Variants in VWA5B2 observed in about 807,000 individuals in gnomAD.
The protein encoded by VWA5B2 is von Willebrand factor A domain containing 5B2.
Under a neutral mutation model 118.5 loss-of-function variants are expected in VWA5B2, and 93 were observed. The observed-to-expected ratio is 0.79, with a 90% CI of 0.66 to 0.93. The LOEUF (loss-of-function observed/expected upper bound fraction) is 0.93, where lower values mean the gene tolerates loss of function less well. VWA5B2 is among the 40% of genes least tolerant of loss of function. The pLI, the probability that VWA5B2 is intolerant of heterozygous loss-of-function variation, is 0.00. For missense variants in VWA5B2, 1,546 were observed against 1,672.8 expected, an observed-to-expected ratio of 0.92 and a Z score of 1.32; for synonymous variants, 708 against 716.3, an observed-to-expected ratio of 0.99 and a Z score of 0.19.
chr3:184,231,071 A>G (rs1362617458), intron 3 of VWA5B2, among the ~76,000 whole-genome samples, 154 bp downstream of exon 3: 3 of 152,196 alleles, frequency 2.0e-5, no homozygotes, highest in African/African-American at 2.4e-5. Context: ...TGGGCTGGGC[A>G]CCTGACCTGC....
Position 184,242,210 on chromosome 3 carries a change from C to A in VWA5B2, c.*172C>A. 1.2e-6 allele frequency: 1 copy of A among 832,774 alleles called. No individual in the cohort carries two copies. Among genetic ancestry groups the A allele is most frequent in the Non-Finnish European group, 1.9e-6 (1 of 534,114 alleles). 51.6% of individuals were successfully genotyped at this position (832,774 alleles called of 1,614,324 possible). ...CCCCCACAAAAAGTGCCTGCCTGTG[C>A]TCTCTCCCTCTCCTCCCACCCCACT... On this transcript the variant is annotated 3_prime_UTR_variant, in exon 20 of 20. Coordinates refer to ENST00000691901, the MANE Select transcript of VWA5B2 (RefSeq NM_001390846.1).
intron 7 of VWA5B2, 49 bp downstream of exon 7, chr3:184,234,804 G>A: frequency 6.5e-7 from 1 of 1,549,278 alleles, no homozygotes; most frequent in Non-Finnish European, 8.7e-7. Flanking sequence ...CTGCATTTGT[G>A]CACAAGGAGC....
In VWA5B2 at chr3:184,235,339, G is replaced by GA. The variant is rs1195203911; in HGVS notation, c.1101+31_1101+32insA. ...TGGGGGTGTGGTGTGGGCAGGCCTG[G>GA]GGGTTGGGTGGGGCAGTGGGTCTGA... On this transcript the variant is annotated intron_variant, in intron 8 of 19. Coordinates refer to ENST00000691901, the MANE Select transcript of VWA5B2 (RefSeq NM_001390846.1). 11 of 1,544,564 alleles carry GA rather than the reference G, an allele frequency of 7.1e-6. No individual in the cohort carries two copies. The East Asian group carries it at 2.5e-4, about 34-fold the overall frequency.
In VWA5B2 at chr3:184,238,159, T is replaced by C. The variant is rs934290946; in HGVS notation, c.1720-144T>C. 3 of 720,696 alleles carry C rather than the reference T, an allele frequency of 4.2e-6. No homozygotes were observed. Among genetic ancestry groups the C allele is most frequent in the East Asian group, 2.9e-5 (1 of 34,484 alleles). 44.6% of individuals were successfully genotyped at this position (720,696 alleles called of 1,614,324 possible). On this transcript the variant is annotated intron_variant, in intron 12 of 19. Transcript: ENST00000691901. This position sits in a 1 kb window ranked among gnomAD's most constrained non-coding sequence, Gnocchi z 5.0. Reference sequence around the variant, plus strand: ...GCTCTATTAACCCTTACAGTGAACATGTCTGCTTCCTCCTTCTTTAGTACT... The same window carrying C: ...GCTCTATTAACCCTTACAGTGAACACGTCTGCTTCCTCCTTCTTTAGTACT...
chr3:184,240,048 A>G lies in VWA5B2; in HGVS notation c.2740+12A>G, dbSNP rs1718416464. The G allele has an allele frequency of 6.6e-7, 1 of 1,522,306 alleles. No homozygotes were observed. Among genetic ancestry groups the G allele is most frequent in the Non-Finnish European group, 8.8e-7 (1 of 1,133,672 alleles). 94.3% of individuals were successfully genotyped at this position (1,522,306 alleles called of 1,614,324 possible). On this transcript the variant is annotated intron_variant, in intron 16 of 19. Coordinates refer to ENST00000691901, the MANE Select transcript of VWA5B2 (RefSeq NM_001390846.1). Reference sequence around the variant, plus strand: ...CACAGCTGACCGGGGTGAGTTGCTCATGGGTCCAGTCAGGACCCAAAGGCA... The same window carrying G: ...CACAGCTGACCGGGGTGAGTTGCTCGTGGGTCCAGTCAGGACCCAAAGGCA...
chr3:184,232,208 G>A (rs990698623), intron 3 of VWA5B2, among the ~76,000 whole-genome samples: 2 of 152,086 alleles, frequency 1.3e-5, no homozygotes, highest in Non-Finnish European at 2.9e-5. Flanking sequence ...TGACTTATAT[G>A]TTGGGTGCTT....
At position 184,241,389 on chromosome 3, in the gene VWA5B2, T is replaced by C; in HGVS notation, c.3165T>C (p.His1055=). The C allele has an allele frequency of 1.3e-6, 2 of 1,579,360 alleles. No homozygotes were observed. Among genetic ancestry groups the C allele is most frequent in the African/African-American group, 2.7e-5 (2 of 74,292 alleles). ...GQANNSEGSD[H]DYLPLVRLQE... Reference sequence around the variant, plus strand: ...CCAACAACAGTGAAGGCAGCGACCATGACTACCTGCCCTTGGTGAGGACTC... The same window carrying C: ...CCAACAACAGTGAAGGCAGCGACCACGACTACCTGCCCTTGGTGAGGACTC... The change falls in exon 19 of 20, where the codon CAT becomes CAC. Residue 1055 remains histidine, a synonymous_variant. Coordinates refer to ENST00000691901, the MANE Select transcript of VWA5B2 (RefSeq NM_001390846.1). This position sits in a 1 kb window ranked among gnomAD's most constrained non-coding sequence, Gnocchi z 5.1.
Position 184,235,171 on chromosome 3 carries a change from C to G in VWA5B2, c.964C>G (p.Arg322Gly). ...CGCTCAGGTGTGGTTCCTGCAGCGA[C>G]GCTTCCACAAGGACATCCTGCTGAA... is the stretch of plus-strand genomic sequence containing the variant. ...GDRQVWFLQR[R>G]FHKDILLNPV... is the part of the protein sequence containing the mutation. The change falls in exon 8 of 20, where the codon CGC (arginine) becomes GGC (glycine). Residue 322 changes from arginine to glycine, a missense_variant. Arg to Gly is a moderately radical substitution (Grantham distance 125, BLOSUM62 -2). Around this residue, in one of 3 missense-constraint regions of VWA5B2, gnomAD observed 775 missense variants for 882.3 expected, o/e 0.88. Coordinates refer to ENST00000691901, the MANE Select transcript of VWA5B2 (RefSeq NM_001390846.1). 6.4e-7 allele frequency: 1 copy of G among 1,551,608 alleles called. No individual in the cohort carries two copies. Among genetic ancestry groups the G allele is most frequent in the Non-Finnish European group, 8.7e-7 (1 of 1,146,938 alleles).
chr3:184,234,963 T>C, intron 7 of VWA5B2, 190 bp from the exon 8 acceptor site: 2 of 1,063,268 alleles, frequency 1.9e-6, no homozygotes, highest in Non-Finnish European at 2.7e-6. Context: ...TCTCAGAGGA[T>C]GGAGGCTAGG....
rs1717264788 is a variant in VWA5B2, at chr3:184,230,472, C to G, written c.-57C>G. On this transcript the variant is annotated 5_prime_UTR_variant, in exon 2 of 20. Coordinates refer to ENST00000691901, the MANE Select transcript of VWA5B2 (RefSeq NM_001390846.1). ...CCTCTGGAGCGCGGGGTGGGCGTCC[C>G]GTCACCCTGCGCCCAGCTTCCCCGG... The G allele has an allele frequency of 4.3e-6, 6 of 1,385,826 alleles. No homozygotes were observed. Among genetic ancestry groups the G allele is most frequent in the Non-Finnish European group, 5.6e-6 (6 of 1,080,064 alleles). The allele number at this position is 1,385,826 out of a possible 1,614,324, so 85.8% of individuals were successfully genotyped here. A position where few individuals can be genotyped will look rare whatever the true frequency, so the allele number is the denominator to read the frequency against.
At position 184,239,552 on chromosome 3, in the gene VWA5B2, C is replaced by T. The variant is rs1718347343; in HGVS notation, c.2361C>T (p.Gly787=). ...AILDGPSPEP[G]QQLGQGLDDS... ...TAGATGGCCCAAGTCCTGAGCCAGGCCAACAGTTGGGACAAGGCCTGGATG... is the reference window on the plus strand; with the variant it reads ...TAGATGGCCCAAGTCCTGAGCCAGGTCAACAGTTGGGACAAGGCCTGGATG... Residue 787 remains glycine, a synonymous_variant, in exon 15 of 20, where the codon GGC becomes GGT. Transcript: ENST00000691901. The surrounding 1 kb of genome is among the most constrained non-coding windows in gnomAD (Gnocchi z 5.1). 1.3e-6 allele frequency: 2 copies of T among 1,536,226 alleles called. No homozygotes were observed. The highest frequency in any genetic ancestry group is 2.0e-5 in the Admixed American group (1 of 49,856).
Position 184,233,376 on chromosome 3 carries a change from C to G in VWA5B2, c.509C>G (p.Pro170Arg). The change falls in exon 4 of 20, where the codon CCT (proline) becomes CGT (arginine). Residue 170 changes from proline to arginine, a missense_variant. Pro to Arg is a moderately radical substitution (Grantham distance 103). Around this residue, in one of 3 missense-constraint regions of VWA5B2, gnomAD observed 775 missense variants for 882.3 expected, o/e 0.88. Coordinates refer to ENST00000691901, the MANE Select transcript of VWA5B2 (RefSeq NM_001390846.1). This position sits in a 1 kb window ranked among gnomAD's most constrained non-coding sequence, Gnocchi z 5.2. The stretch of plus-strand genomic sequence containing the variant: ...CCAGGCCCGCCGGGGCCCCCCAGGC[C>G]TCCGGGGCTCTGTGACGACAGGTTG... ...APPGPPGPPR[P>R]PGLCDDSPTS... The G allele has an allele frequency of 6.5e-7, 1 of 1,538,098 alleles. No individual in the cohort carries two copies. Among genetic ancestry groups the G allele is most frequent in the Non-Finnish European group, 8.8e-7 (1 of 1,142,076 alleles).
Position 184,233,624 on chromosome 3 carries a change from C to T in VWA5B2, c.579C>T (p.Ala193=). The T allele has an allele frequency of 1.9e-6, 3 of 1,551,230 alleles. No homozygotes were observed. Among genetic ancestry groups the T allele is most frequent in the Non-Finnish European group, 2.6e-6 (3 of 1,146,930 alleles). The change falls in exon 5 of 20, where the codon GCC becomes GCT. Residue 193 remains alanine, a synonymous_variant. Transcript: ENST00000691901. This position sits in a 1 kb window ranked among gnomAD's most constrained non-coding sequence, Gnocchi z 5.2. ...GCAGCCTTCAGGAGGAAGGGCTGGC[C>T]TGGGAGGAGCTGGCTGCCCCTCGGG... is the stretch of plus-strand genomic sequence containing the variant. ...GVGSLQEEGL[A]WEELAAPRDV...
Position 184,233,776 on chromosome 3 carries a change from T to C in VWA5B2, c.688+43T>C, listed in dbSNP as rs1269908033. The C allele has an allele frequency of 6.5e-7, 1 of 1,544,246 alleles. No individual in the cohort carries two copies. The highest frequency in any genetic ancestry group is 8.7e-7 in the Non-Finnish European group (1 of 1,144,434). The stretch of plus-strand genomic sequence containing the variant: ...GCCTGCCCTCTTTTCAGATGCCCAC[T>C]CCACCCAGTGTAGTGACTGGAAGGG... On this transcript the variant is annotated intron_variant, in intron 5 of 19. Transcript: ENST00000691901. This position sits in a 1 kb window ranked among gnomAD's most constrained non-coding sequence, Gnocchi z 5.2.
chr3:184,234,218 G>T, intron 5 of VWA5B2, 48 bp from the exon 6 acceptor site: 1 of 1,542,160 alleles, frequency 6.5e-7, no homozygotes. Context: ...GCTGTCCCTG[G>T]GAAGGTGTTA....
rs753246079 is a variant in VWA5B2 at position 184,241,679 on chromosome 3, G to A, written c.3370G>A (p.Ala1124Thr). The A allele has an allele frequency of 1.5e-5, 23 of 1,522,792 alleles. 1 individual carries two copies. The highest frequency in any genetic ancestry group is 2.0e-5 in the Non-Finnish European group (23 of 1,136,894). The allele number at this position is 1,522,792 out of a possible 1,614,324, so 94.3% of individuals were successfully genotyped here. A position where few individuals can be genotyped will look rare whatever the true frequency, so the allele number is the denominator to read the frequency against. ...TGTTGGCCAGGGTGACAGTGCCACG[G>A]CCTCCTGCAGCCCGTCCCCCAGCTC... is the stretch of plus-strand genomic sequence containing the variant. ...PGVGQGDSAT[A>T]SCSPSPSSGS... is the part of the protein sequence containing the mutation. Residue 1124 changes from alanine (A) to threonine (T), a missense_variant, in exon 20 of 20, where the codon GCC becomes ACC. Physicochemically the swap from Ala to Thr is moderately conservative, Grantham distance 58 (BLOSUM62 0). Around this residue, in one of 3 missense-constraint regions of VWA5B2, gnomAD observed 763 missense variants for 766.6 expected, o/e 1.00. Coordinates refer to ENST00000691901, the MANE Select transcript of VWA5B2 (RefSeq NM_001390846.1). This position sits in a 1 kb window ranked among gnomAD's most constrained non-coding sequence, Gnocchi z 5.1.
Position 184,238,931 on chromosome 3 carries a change from G to A in VWA5B2, c.2202+58G>A. 1 of 1,415,738 alleles carries A rather than the reference G, an allele frequency of 7.1e-7. No homozygotes were observed. The highest frequency in any genetic ancestry group is 9.4e-7 in the Non-Finnish European group (1 of 1,066,490). 87.7% of individuals were successfully genotyped at this position (1,415,738 alleles called of 1,614,324 possible). A position where few individuals can be genotyped will look rare whatever the true frequency, so the allele number is the denominator to read the frequency against. ...TCCAGCAAATATTTATTTACCACCT[G>A]CTGTGCACCAGATATTATGTAGAGT... On this transcript the variant is annotated intron_variant, in intron 14 of 19. Transcript: ENST00000691901. This position sits in a 1 kb window ranked among gnomAD's most constrained non-coding sequence, Gnocchi z 5.0.
Position 184,234,730 on chromosome 3 carries a change from G to A in VWA5B2, c.920G>A (p.Arg307Gln), listed in dbSNP as rs754636587. Residue 307 changes from arginine to glutamine, a missense_variant, in exon 7 of 20, where the codon CGA becomes CAA. Coordinates refer to ENST00000691901, the MANE Select transcript of VWA5B2 (RefSeq NM_001390846.1). ...CGCCGAGATTTTCAGAGGCTACAGC[G>A]AAGGGACAGTGATGGGGACCGGCAG... is the stretch of plus-strand genomic sequence containing the variant. ...RARRDFQRLQRRDSDGDRQVW... is the reference protein window; with the variant it reads ...RARRDFQRLQQRDSDGDRQVW... The A allele has an allele frequency of 6.4e-6, 10 of 1,551,348 alleles. No individual in the cohort carries two copies. Among genetic ancestry groups the A allele is most frequent in the African/African-American group, 2.7e-5 (2 of 73,068 alleles).
At chr3:184,229,830 T>C (rs1717186193) in intron 1 of VWA5B2, among the ~76,000 whole-genome samples, 117 bp downstream of exon 1, 1 of 151,930 alleles carries the variant, frequency 6.6e-6, no homozygotes, top group African/African-American at 2.4e-5. Flanking sequence ...TCTGCCGGGG[T>C]AGGGAGCGGT....
Sources: gnomAD v4.1 joint callset for allele counts (sites outside exome capture counted in the v4.1 genomes callset) on GRCh38, gnomAD v4.1.1 for gene constraint, gnomAD v4.1.1 regional missense constraint, Gnocchi (gnomAD v3.1) non-coding constraint, MANE v1.5 for transcripts, NCBI Gene and HGNC (gene_info 2026-07-23, HGNC 2026-07-21) for gene names.